ZNF292: variants seen among roughly 807,000 people sequenced by gnomAD.
The protein encoded by ZNF292 is zinc finger protein 292.
Under a neutral mutation model 217.9 loss-of-function variants are expected in ZNF292, and 26 were observed. That is an observed-to-expected ratio of 0.12 (90% confidence interval 0.09 to 0.17). ZNF292 has a LOEUF of 0.17. Among genes scored for constraint, ZNF292 ranks in the 10% least tolerant of loss-of-function variants. The pLI, the probability that ZNF292 is intolerant of heterozygous loss-of-function variation, is 1.00. For synonymous variants in ZNF292, 1,257 were observed against 1,124.1 expected (o/e 1.12, Z -2.37); for missense variants, 2,904 against 3,175.2 (o/e 0.91, Z 2.05).
chr6:87,156,519 G>C (rs1328729274), intron 1 of ZNF292, among the ~76,000 whole-genome samples: 1 of 152,176 alleles, frequency 6.6e-6, no homozygotes, highest in African/African-American at 2.4e-5. Context: ...TCCAGAGTCC[G>C]TTTCTCATTT....
intron 1 of ZNF292, among the ~76,000 whole-genome samples, chr6:87,160,734 C>T (rs1452984472): frequency 6.6e-6 from 1 of 151,774 alleles, no homozygotes; most frequent in Non-Finnish European, 1.5e-5. Context: ...GGCTTCTCAA[C>T]TGGGCATAGT....
intron 1 of ZNF292, among the ~76,000 whole-genome samples, chr6:87,166,362 C>G (rs1385299626): frequency 6.6e-6 from 1 of 152,134 alleles, no homozygotes; most frequent in African/African-American, 2.4e-5. Context: ...ACTATGAGCT[C>G]CCCCACAATC....
At chr6:87,244,206 A>G (rs1164245352) in intron 6 of ZNF292, among the ~76,000 whole-genome samples, 1 of 152,238 alleles carries the variant, frequency 6.6e-6, no homozygotes, top group Non-Finnish European at 1.5e-5. Flanking sequence ...CAAATGAATA[A>G]TAGAACAGCC....
Position 87,257,380 on chromosome 6 carries a change from C to T in ZNF292, c.3751C>T (p.Leu1251=). The part of the protein sequence containing the change: ...AQMEDLTKTV[L]PLNIDSGSDP... ...AATGGAAGATCTAACCAAAACAGTT[C>T]TGCCTTTGAATATTGACAGTGGCTC... The change falls in exon 8 of 8, where the codon CTG becomes TTG. Residue 1251 remains leucine (L), a synonymous_variant. Coordinates refer to ENST00000369577, the MANE Select transcript of ZNF292 (RefSeq NM_015021.3). The T allele has an allele frequency of 6.2e-7, 1 of 1,613,662 alleles. No homozygotes were observed. Among genetic ancestry groups the T allele is most frequent in the African/African-American group, 1.3e-5 (1 of 75,044 alleles).
rs1390241954 is a variant in ZNF292, at chr6:87,261,805, T to A, written c.*4T>A. 2 of 1,575,940 alleles carry A rather than the reference T, an allele frequency of 1.3e-6. No individual in the cohort carries two copies. On this transcript the variant is annotated 3_prime_UTR_variant, in exon 8 of 8. Coordinates refer to ENST00000369577, the MANE Select transcript of ZNF292 (RefSeq NM_015021.3). ...CACAGGCAGAGGTCAGTACTGATAA[T>A]TAATGTAGTATAAATACATCATTTA...
chr6:87,258,374 A>G lies in ZNF292; in HGVS notation c.4745A>G (p.Asn1582Ser), dbSNP rs144735449. The change falls in exon 8 of 8, where the codon AAT becomes AGT. Residue 1582 changes from asparagine (N) to serine (S), a missense_variant. Asn to Ser is a conservative substitution (Grantham distance 46). Transcript: ENST00000369577. Reference protein sequence around the residue: ...TNDLLLKTVENGLCSSSFPNS... With the variant: ...TNDLLLKTVESGLCSSSFPNS... ...GACTTACTACTGAAGACTGTTGAAA[A>G]TGGTTTGTGCTCTAGTTCATTTCCT... 1.4e-4 allele frequency: 224 copies of G among 1,613,678 alleles called. No individual in the cohort carries two copies. The East Asian group carries it at 3.6e-3, about 26-fold the overall frequency.
chr6:87,165,147 T>C (rs754738103), intron 1 of ZNF292, among the ~76,000 whole-genome samples: 35 of 152,220 alleles, frequency 2.3e-4, no homozygotes, highest in Non-Finnish European at 4.8e-4. Flanking sequence ...CTCTACCTTG[T>C]ATAGTCTAAT....
intron 1 of ZNF292, among the ~76,000 whole-genome samples, chr6:87,177,801 A>C (rs1413827915): frequency 6.6e-6 from 1 of 152,246 alleles, no homozygotes. Flanking sequence ...ATGAGGCATC[A>C]GTACAGTGCA....
Position 87,263,979 on chromosome 6 carries a change from A to G in ZNF292, c.*2178A>G, listed in dbSNP as rs954694359. ...AACTAGACATTTCTAATTGTTTTAC[A>G]TGTCATGGGGAAGAGTTTGCCAACA... On this transcript the variant is annotated 3_prime_UTR_variant, in exon 8 of 8. Transcript: ENST00000369577. 1.3e-5 allele frequency: 2 copies of G among 152,138 alleles called. No individual in the cohort carries two copies. The highest frequency in any genetic ancestry group is 4.8e-5 in the African/African-American group (2 of 41,442). 9.4% of individuals were successfully genotyped at this position (152,138 alleles called of 1,614,324 possible).
rs563964030 is a variant in ZNF292 at position 87,204,096 on chromosome 6, G to T, written c.169-11807G>T. Among the ~76,000 whole-genome samples, 4 of 152,242 alleles carry T rather than the reference G, an allele frequency of 2.6e-5. No individual in the cohort carries two copies. In the East Asian group the frequency reaches 7.7e-4, roughly 29 times the overall value. Reference sequence around the variant, plus strand: ...AATCTAATCAAGAGAAAATACTAAAGCCAAATTGAGGGATATTCTACAAAA... The same window carrying T: ...AATCTAATCAAGAGAAAATACTAAATCCAAATTGAGGGATATTCTACAAAA... On this transcript the variant is annotated intron_variant, in intron 1 of 7. Coordinates refer to ENST00000369577, the MANE Select transcript of ZNF292 (RefSeq NM_015021.3).
chr6:87,175,610 A>T (rs1387158966), intron 1 of ZNF292, among the ~76,000 whole-genome samples: 2 of 152,220 alleles, frequency 1.3e-5, no homozygotes, highest in Non-Finnish European at 2.9e-5. Context: ...GAGTGCTAGG[A>T]GTACAGATGT....
intron 1 of ZNF292, chr6:87,215,217 A>G (rs142886651): frequency 6.6e-6 from 1 of 152,242 alleles, no homozygotes; most frequent in Non-Finnish European, 1.5e-5. Context: ...AGTAAGATAA[A>G]TAGCATCTTT....
At chr6:87,212,475 C>G (rs1303424666) in intron 1 of ZNF292, among the ~76,000 whole-genome samples, 1 of 152,188 alleles carries the variant, frequency 6.6e-6, no homozygotes, top group Admixed American at 6.5e-5. Flanking sequence ...TGTCTTAAAG[C>G]TATCTAGAAG....
intron 5 of ZNF292, among the ~76,000 whole-genome samples, chr6:87,240,929 T>G (rs1163798362): frequency 6.6e-6 from 1 of 152,216 alleles, no homozygotes; most frequent in Non-Finnish European, 1.5e-5. Context: ...ATCTTGACTT[T>G]GCCACTAAGT....
chr6:87,182,261 TGTAA>T (rs1264409290), intron 1 of ZNF292, among the ~76,000 whole-genome samples: 1 of 152,248 alleles, frequency 6.6e-6, no homozygotes, highest in Non-Finnish European at 1.5e-5. Flanking sequence ...GGAATAATTG[TGTAA>T]GTGTGTTTCC....
At chr6:87,251,450 A>G (rs1017139569) in intron 7 of ZNF292, among the ~76,000 whole-genome samples, 5 of 152,196 alleles carry the variant, frequency 3.3e-5, no homozygotes, top group Non-Finnish European at 5.9e-5. Flanking sequence ...GGAAGAGGGT[A>G]CAAAAGACAA....
In ZNF292 at chr6:87,216,467, C is replaced by T. The variant is rs1328659304; in HGVS notation, c.402+90C>T. On this transcript the variant is annotated intron_variant, in intron 3 of 7. Transcript: ENST00000369577. ...AAAATTATTCAGTTAAACTTTAAGA[C>T]ATCTCAATAATGACAGACATTAATT... 11 of 902,454 alleles carry T rather than the reference C, an allele frequency of 1.2e-5. No individual in the cohort carries two copies. In the Admixed American group the frequency reaches 2.7e-4, roughly 22 times the overall value. The allele number at this position is 902,454 out of a possible 1,614,324, so 55.9% of individuals were successfully genotyped here.
chr6:87,222,803 G>A (rs918128613), intron 4 of ZNF292: 3 of 452,472 alleles, frequency 6.6e-6, no homozygotes, highest in East Asian at 7.0e-5. Context: ...ACATTTAGTC[G>A]TCATGTCTTC....
At chr6:87,201,740 A>G (rs1772104379) in intron 1 of ZNF292, among the ~76,000 whole-genome samples, 2 of 152,166 alleles carry the variant, frequency 1.3e-5, no homozygotes, top group South Asian at 4.1e-4. Context: ...TTTCACATTC[A>G]GTTACTTGTC....
Sources: gnomAD v4.1 joint callset for allele counts (sites outside exome capture counted in the v4.1 genomes callset) on GRCh38, gnomAD v4.1.1 for gene constraint, MANE v1.5 for transcripts, NCBI Gene and HGNC (gene_info 2026-07-23, HGNC 2026-07-21) for gene names.